The following LRMDA variants were observed in gnomAD, a reference collection of about 807,000 sequenced individuals.
LRMDA encodes leucine rich melanocyte differentiation associated, also known as leucine-rich melanocyte differentiation-associated protein.
A neutral mutation model predicts 29.8 loss-of-function variants in LRMDA; 18 were observed. The observed-to-expected ratio is 0.60, with a 90% CI of 0.42 to 0.90. The LOEUF (loss-of-function observed/expected upper bound fraction) is 0.90, where lower values mean the gene tolerates loss of function less well. Among genes scored for constraint, LRMDA ranks in the 40% least tolerant of loss-of-function variants. The pLI is 0.00. For missense variants in LRMDA, 273 were observed against 273.9 expected, an observed-to-expected ratio of 1.00 and a Z score of 0.02; for synonymous variants, 125 against 109.4, an observed-to-expected ratio of 1.14 and a Z score of -0.89.
chr10:76,429,592 T>G (rs1034582228), intron 6 of LRMDA, among the ~76,000 whole-genome samples: 2 of 152,124 alleles, frequency 1.3e-5, no homozygotes, highest in African/African-American at 4.8e-5. Flanking sequence ...AAATTGCTGT[T>G]AATCACCACT....
At chr10:75,938,533 G>A (rs16932723) in intron 2 of LRMDA, among the ~76,000 whole-genome samples, 4,659 of 152,194 alleles carry the variant, frequency 0.031, 141 homozygotes, top group African/African-American at 0.069. Flanking sequence ...CGCCTGGTCC[G>A]GCACTAATTG....
chr10:75,460,784 A>G (rs1844575573), intron 2 of LRMDA, among the ~76,000 whole-genome samples: 1 of 152,102 alleles, frequency 6.6e-6, no homozygotes, highest in African/African-American at 2.4e-5. Flanking sequence ...TGATTACATA[A>G]TATCTTTTCA....
chr10:75,962,960 G>A (rs889937274), intron 2 of LRMDA, among the ~76,000 whole-genome samples: 19 of 152,164 alleles, frequency 1.2e-4, no homozygotes, highest in Admixed American at 6.5e-5. Context: ...TATACATGAA[G>A]GCCTAATGGA....
At chr10:75,830,896 A>G (rs187017192) in intron 2 of LRMDA, among the ~76,000 whole-genome samples, 299 of 152,342 alleles carry the variant, frequency 2.0e-3, no homozygotes, top group Non-Finnish European at 2.3e-3. Context: ...TCCACCTATG[A>G]GCCTGTAAAA....
chr10:75,918,602 G>A (rs535211499), intron 2 of LRMDA, among the ~76,000 whole-genome samples: 9 of 152,030 alleles, frequency 5.9e-5, no homozygotes, highest in African/African-American at 2.2e-4. Context: ...TTAATATTAG[G>A]GATTACGATC....
chr10:75,622,217 G>A (rs1841197488), intron 2 of LRMDA, among the ~76,000 whole-genome samples: 1 of 152,130 alleles, frequency 6.6e-6, no homozygotes, highest in Non-Finnish European at 1.5e-5. Context: ...GATTCTTAAG[G>A]CATTTTCTGT....
At chr10:75,490,751 A>G (rs1589158685) in intron 2 of LRMDA, among the ~76,000 whole-genome samples, 2 of 152,262 alleles carry the variant, frequency 1.3e-5, no homozygotes, top group South Asian at 4.2e-4. Context: ...CCTACCACTC[A>G]ATGGCCTAGA....
intron 6 of LRMDA, among the ~76,000 whole-genome samples, chr10:76,332,912 A>G (rs1040986524): frequency 7.9e-5 from 12 of 152,186 alleles, no homozygotes; most frequent in Admixed American, 7.9e-4. Flanking sequence ...AGATCCCAAA[A>G]ATGAAGTAAT....
chr10:76,190,549 T>A (rs1851226179), intron 5 of LRMDA, among the ~76,000 whole-genome samples: 1 of 152,206 alleles, frequency 6.6e-6, no homozygotes, highest in Non-Finnish European at 1.5e-5. Context: ...TCAAGTTTAT[T>A]ATCCAAGGAG....
intron 2 of LRMDA, among the ~76,000 whole-genome samples, chr10:75,979,209 G>A (rs1007904358): frequency 6.6e-6 from 1 of 152,052 alleles, no homozygotes; most frequent in Non-Finnish European, 1.5e-5. Context: ...TTATATTACT[G>A]CTATTATTAA....
chr10:76,067,352 C>T (rs1848801539), intron 5 of LRMDA, among the ~76,000 whole-genome samples: 2 of 152,140 alleles, frequency 1.3e-5, no homozygotes. Context: ...ATCAGCTTGA[C>T]ATTTTCTTGA....
intron 6 of LRMDA, among the ~76,000 whole-genome samples, chr10:76,447,594 G>T (rs1215248042): frequency 6.6e-6 from 1 of 152,158 alleles, no homozygotes; most frequent in Non-Finnish European, 1.5e-5. Flanking sequence ...TCTCATAGTG[G>T]TATTGGGGAT....
intron 2 of LRMDA, among the ~76,000 whole-genome samples, chr10:75,961,470 G>C (rs984821447): frequency 1.3e-5 from 2 of 152,214 alleles, no homozygotes; most frequent in African/African-American, 4.8e-5. Flanking sequence ...TACCAGGTTA[G>C]AGTATGAACA....
chr10:75,701,843 C>G (rs1842311690), intron 2 of LRMDA, among the ~76,000 whole-genome samples: 1 of 152,186 alleles, frequency 6.6e-6, no homozygotes, highest in South Asian at 2.1e-4. Context: ...ACCTTTGTTT[C>G]TGATCCATTT....
At chr10:76,035,101 T>G (rs1330101586) in intron 2 of LRMDA, among the ~76,000 whole-genome samples, 1 of 151,938 alleles carries the variant, frequency 6.6e-6, no homozygotes, top group Non-Finnish European at 1.5e-5. Context: ...CTGCTGTTTT[T>G]TTTTTTTTTT....
chr10:76,495,208 C>T (rs1235304698), intron 6 of LRMDA, among the ~76,000 whole-genome samples: 2 of 150,120 alleles, frequency 1.3e-5, no homozygotes. Context: ...CTTTTCATTT[C>T]TTATATTTTG....
chr10:75,973,021 A>ACAGCAGCAGCAGCAGCAGCAGCAGCAG lies in LRMDA; in HGVS notation c.132-62961_132-62935dup, dbSNP rs3042539. Among the ~76,000 whole-genome samples the ACAGCAGCAGCAGCAGCAGCAGCAGCAG allele has an allele frequency of 4.4e-3, 657 of 148,956 alleles. 2 individuals are homozygous for ACAGCAGCAGCAGCAGCAGCAGCAGCAG. Among genetic ancestry groups the ACAGCAGCAGCAGCAGCAGCAGCAGCAG allele is most frequent in the Non-Finnish European group, 5.4e-3 (360 of 67,012 alleles). ...CTTTCAGGACAAAACCACTTTAACA[A>ACAGCAGCAGCAGCAGCAGCAGCAGCAG]CAGCAGCAGCAGCAGCAGCAGCAGC... On this transcript the variant is annotated intron_variant, in intron 2 of 6. Transcript: ENST00000611255.
chr10:76,526,974 A>G (rs1202636293), intron 6 of LRMDA, among the ~76,000 whole-genome samples: 1 of 124,538 alleles, frequency 8.0e-6, no homozygotes, highest in African/African-American at 3.1e-5. Flanking sequence ...CGTAAAGTAT[A>G]ATAAAATAAA....
At chr10:75,918,395 G>A (rs756593114) in intron 2 of LRMDA, among the ~76,000 whole-genome samples, 4 of 152,198 alleles carry the variant, frequency 2.6e-5, no homozygotes, top group South Asian at 2.1e-4. Context: ...TTCCAATCAC[G>A]GTGGAAGGCA....
Sources: gnomAD v4.1 joint callset for allele counts (sites outside exome capture counted in the v4.1 genomes callset) on GRCh38, gnomAD v4.1.1 for gene constraint, MANE v1.5 for transcripts, NCBI Gene and HGNC (gene_info 2026-07-23, HGNC 2026-07-21) for gene names.